Variants in AGBL4 observed in about 807,000 individuals in gnomAD.
The protein encoded by AGBL4 is cytosolic carboxypeptidase 6.
A neutral mutation model predicts 66.4 loss-of-function variants in AGBL4; 58 were observed. The observed-to-expected ratio is 0.87, with a 90% CI of 0.71 to 1.09. AGBL4 has a LOEUF of 1.09. Among genes scored for constraint, AGBL4 ranks in the 50% least tolerant of loss-of-function variants. The pLI, the probability that AGBL4 is intolerant of heterozygous loss-of-function variation, is 0.00. For missense variants in AGBL4, 579 were observed against 631.0 expected (o/e 0.92, Z 0.88); for synonymous variants, 234 against 222.9 (o/e 1.05, Z -0.44).
chr1:49,076,038 A>G (rs915118997), intron 4 of AGBL4, among the ~76,000 whole-genome samples: 1 of 152,202 alleles, frequency 6.6e-6, no homozygotes, highest in African/African-American at 2.4e-5. Flanking sequence ...AGAGTTGCAA[A>G]GTTTTCTGCT....
At chr1:49,008,693 C>T (rs1484278460) in intron 5 of AGBL4, among the ~76,000 whole-genome samples, 3 of 122,044 alleles carry the variant, frequency 2.5e-5, no homozygotes, top group African/African-American at 9.5e-5. Flanking sequence ...GACCACAGTG[C>T]AATCAAACTA....
At chr1:48,745,928 G>T (rs1650672047) in intron 6 of AGBL4, among the ~76,000 whole-genome samples, 1 of 152,012 alleles carries the variant, frequency 6.6e-6, no homozygotes, top group African/African-American at 2.4e-5. Context: ...CCCTACTAAA[G>T]GAGGAGGGAG....
At chr1:49,935,276 G>T (rs914508614) in intron 1 of AGBL4, among the ~76,000 whole-genome samples, 3 of 152,242 alleles carry the variant, frequency 2.0e-5, no homozygotes, top group Non-Finnish European at 2.9e-5. Context: ...CAGCAAGGCT[G>T]GGGGAGGGGC....
intron 5 of AGBL4, among the ~76,000 whole-genome samples, chr1:49,035,590 G>GA (rs1390575668): frequency 6.6e-6 from 1 of 152,078 alleles, no homozygotes; most frequent in African/African-American, 2.4e-5. Context: ...GATCTTACTG[G>GA]AAAGCTGTTG....
chr1:49,549,533 T>C (rs1652788442), intron 3 of AGBL4, among the ~76,000 whole-genome samples: 1 of 152,214 alleles, frequency 6.6e-6, no homozygotes, highest in South Asian at 2.1e-4. Context: ...GATTTTGTTT[T>C]TGACCCAATG....
At chr1:49,981,160 G>T (rs1659024870) in intron 1 of AGBL4, among the ~76,000 whole-genome samples, 1 of 152,124 alleles carries the variant, frequency 6.6e-6, no homozygotes, top group South Asian at 2.1e-4. Context: ...ACAGGGAACT[G>T]CAAAACACTT....
chr1:49,755,177 T>C (rs1651798419), intron 2 of AGBL4, among the ~76,000 whole-genome samples: 1 of 152,216 alleles, frequency 6.6e-6, no homozygotes, highest in South Asian at 2.1e-4. Context: ...TGTTATCTCC[T>C]CTAATGGTCA....
chr1:49,102,608 T>C (rs1306575260), intron 4 of AGBL4, among the ~76,000 whole-genome samples: 1 of 152,214 alleles, frequency 6.6e-6, no homozygotes, highest in African/African-American at 2.4e-5. Context: ...AATGTGAGTA[T>C]AGTTATTGAC....
At chr1:48,990,352 T>C (rs1034541093) in intron 5 of AGBL4, among the ~76,000 whole-genome samples, 2 of 152,200 alleles carry the variant, frequency 1.3e-5, no homozygotes, top group African/African-American at 4.8e-5. Context: ...CTTCACTTTT[T>C]GATTGTTTCC....
At chr1:48,568,926 T>A (rs564345524) in intron 11 of AGBL4, among the ~76,000 whole-genome samples, 4 of 152,210 alleles carry the variant, frequency 2.6e-5, no homozygotes, top group Non-Finnish European at 5.9e-5. Flanking sequence ...CCTGACTCAT[T>A]ACTGGGTCCT....
At chr1:49,711,060 A>G (rs1265609270) in intron 2 of AGBL4, among the ~76,000 whole-genome samples, 3 of 152,106 alleles carry the variant, frequency 2.0e-5, no homozygotes, top group Non-Finnish European at 4.4e-5. Flanking sequence ...TAGCTAAAAA[A>G]TAAAAACATA....
At chr1:48,934,298 G>C (rs1231970527) in intron 5 of AGBL4, among the ~76,000 whole-genome samples, 1 of 152,052 alleles carries the variant, frequency 6.6e-6, no homozygotes, top group Non-Finnish European at 1.5e-5. Flanking sequence ...GCTTAGTAAG[G>C]GGCAGCATGA....
At chr1:49,796,636 C>A (rs1644737352) in intron 2 of AGBL4, among the ~76,000 whole-genome samples, 1 of 151,078 alleles carries the variant, frequency 6.6e-6, no homozygotes, top group Non-Finnish European at 1.5e-5. Context: ...TAAGTAATCT[C>A]AACCATTCAG....
At chr1:49,948,018 A>T (rs1439115768) in intron 1 of AGBL4, among the ~76,000 whole-genome samples, 20 of 83,556 alleles carry the variant, frequency 2.4e-4, no homozygotes, top group African/African-American at 4.0e-4. Context: ...AAATATATAA[A>T]TATATATAAA....
chr1:49,283,338 C>G (rs1363113513), intron 3 of AGBL4, among the ~76,000 whole-genome samples: 3 of 152,186 alleles, frequency 2.0e-5, no homozygotes, highest in Admixed American at 6.5e-5. Flanking sequence ...AACTAACAAA[C>G]AGAAAGGACA....
intron 5 of AGBL4, among the ~76,000 whole-genome samples, chr1:48,933,207 T>G (rs573588644): frequency 1.4e-4 from 21 of 152,352 alleles, no homozygotes; most frequent in African/African-American, 4.8e-4. Flanking sequence ...CATATGTGTA[T>G]GTGTATTTGT....
chr1:49,014,931 C>T (rs1202034903), intron 5 of AGBL4, among the ~76,000 whole-genome samples: 2 of 152,100 alleles, frequency 1.3e-5, no homozygotes, highest in African/African-American at 4.8e-5. Context: ...ACCAATGGAC[C>T]CAGGGGTATT....
intron 4 of AGBL4, among the ~76,000 whole-genome samples, chr1:49,068,798 G>A (rs1644542013): frequency 1.3e-5 from 2 of 152,150 alleles, no homozygotes; most frequent in Admixed American, 1.3e-4. Context: ...TACTTGAGGA[G>A]TCACCACAGA....
At chr1:49,614,036 A>C (rs1326185821) in intron 3 of AGBL4, among the ~76,000 whole-genome samples, 1 of 152,166 alleles carries the variant, frequency 6.6e-6, no homozygotes, top group Non-Finnish European at 1.5e-5. Context: ...CTTGTTTGCT[A>C]TGATCTTGAC....
Sources: gnomAD v4.1 joint callset for allele counts (sites outside exome capture counted in the v4.1 genomes callset) on GRCh38, gnomAD v4.1.1 for gene constraint, MANE v1.5 for transcripts, NCBI Gene and HGNC (gene_info 2026-07-23, HGNC 2026-07-21) for gene names.